ENTHD1: variants seen among roughly 807,000 people sequenced by gnomAD.
The protein encoded by ENTHD1 is ENTH domain-containing protein 1.
ENTHD1 carries 23 observed loss-of-function variants against 39.1 expected under a neutral mutation model. The observed-to-expected ratio is 0.59, with a 90% CI of 0.42 to 0.83. The LOEUF is 0.83. Ranked by LOEUF, ENTHD1 falls within the 40% of genes least tolerant of loss-of-function variation. The probability of loss-of-function intolerance (pLI) is 0.00; values close to 1 mark genes in which losing one functional copy is unlikely to be tolerated. For missense variants in ENTHD1, 624 were observed against 705.4 expected, an observed-to-expected ratio of 0.88 and a Z score of 1.31; for synonymous variants, 230 against 258.2, an observed-to-expected ratio of 0.89 and a Z score of 1.05.
chr22:39,829,301 G>A (rs1330937592), intron 4 of ENTHD1, among the ~76,000 whole-genome samples: 3 of 149,602 alleles, frequency 2.0e-5, no homozygotes, highest in Non-Finnish European at 3.0e-5. Context: ...ACTGAAATAA[G>A]ATGTAATGTA....
At chr22:39,829,971 C>G (rs773276240) in intron 4 of ENTHD1, among the ~76,000 whole-genome samples, 2 of 152,084 alleles carry the variant, frequency 1.3e-5, no homozygotes, top group Non-Finnish European at 2.9e-5. Context: ...TTACAAACTC[C>G]TTGGGCTCAA....
chr22:39,783,949 AAAGTG>A (rs1466676797), intron 5 of ENTHD1, among the ~76,000 whole-genome samples: 1 of 152,212 alleles, frequency 6.6e-6, no homozygotes, highest in African/African-American at 2.4e-5. Flanking sequence ...AACAGTAAAC[AAAGTG>A]AAGAGGCAAC....
intron 4 of ENTHD1, among the ~76,000 whole-genome samples, chr22:39,825,541 T>C (rs2146657455): frequency 6.6e-6 from 1 of 152,268 alleles, no homozygotes; most frequent in African/African-American, 2.4e-5. Context: ...TTTATTTTTT[T>C]ATTTTTTGAG....
At chr22:39,766,695 T>A (rs1384627677) in intron 5 of ENTHD1, among the ~76,000 whole-genome samples, 1 of 152,232 alleles carries the variant, frequency 6.6e-6, no homozygotes, top group Non-Finnish European at 1.5e-5. Context: ...ATTTACATGC[T>A]ATCCTCATCA....
At chr22:39,749,427 T>C (rs2065131541) in intron 6 of ENTHD1, among the ~76,000 whole-genome samples, 1 of 152,242 alleles carries the variant, frequency 6.6e-6, no homozygotes, top group Non-Finnish European at 1.5e-5. Flanking sequence ...CTTATTATAC[T>C]CATAAATAAT....
At chr22:39,807,888 C>CAT (rs2065656277) in intron 5 of ENTHD1, among the ~76,000 whole-genome samples, 3 of 145,918 alleles carry the variant, frequency 2.1e-5, no homozygotes, top group Admixed American at 6.9e-5. Context: ...TATATACGTA[C>CAT]GTGTGTGTGT....
chr22:39,851,754 GA>G (rs1043537272), intron 3 of ENTHD1, among the ~76,000 whole-genome samples: 1 of 152,204 alleles, frequency 6.6e-6, no homozygotes, highest in Non-Finnish European at 1.5e-5. Flanking sequence ...CCCACAGGCA[GA>G]ATGCCAAGTC....
chr22:39,834,241 A>C (rs2065892201), intron 4 of ENTHD1, among the ~76,000 whole-genome samples: 1 of 152,222 alleles, frequency 6.6e-6, no homozygotes, highest in East Asian at 1.9e-4. Flanking sequence ...ATATCTGACA[A>C]AGAACTTATA....
At chr22:39,796,174 T>C (rs1202155557) in intron 5 of ENTHD1, among the ~76,000 whole-genome samples, 1 of 152,120 alleles carries the variant, frequency 6.6e-6, no homozygotes, top group Non-Finnish European at 1.5e-5. Flanking sequence ...TTTTACTTTA[T>C]TGATATAGGT....
intron 5 of ENTHD1, among the ~76,000 whole-genome samples, chr22:39,783,243 G>C (rs1041435017): frequency 6.6e-6 from 1 of 151,886 alleles, no homozygotes; most frequent in Non-Finnish European, 1.5e-5. Flanking sequence ...ATTTATACAA[G>C]AAAAACCACA....
In ENTHD1 at chr22:39,803,780, T is replaced by C. The variant is rs184677322; in HGVS notation, c.832+17213A>G. Reference sequence around the variant, plus strand: ...CTATATTGCCAATCAATAAATATAATAGCAATACTTCTCATCAGTATCAAA... The same window carrying C: ...CTATATTGCCAATCAATAAATATAACAGCAATACTTCTCATCAGTATCAAA... On this transcript the variant is annotated intron_variant, in intron 5 of 6. Transcript: ENST00000325157. Among the ~76,000 whole-genome samples the C allele has an allele frequency of 3.6e-3, 547 of 152,318 alleles. 5 individuals are homozygous for C. Among genetic ancestry groups the C allele is most frequent in the African/African-American group, 0.012 (481 of 41,566 alleles).
chr22:39,857,845 C>T (rs2066107302), intron 3 of ENTHD1, among the ~76,000 whole-genome samples: 1 of 152,134 alleles, frequency 6.6e-6, no homozygotes, highest in Non-Finnish European at 1.5e-5. Context: ...TTAAATAATA[C>T]TTTATTGCTA....
intron 5 of ENTHD1, among the ~76,000 whole-genome samples, chr22:39,819,393 AGAAAC>A (rs1380778467): frequency 2.0e-5 from 3 of 151,678 alleles, no homozygotes; most frequent in African/African-American, 7.3e-5. Flanking sequence ...AAAAAAGAAA[AGAAAC>A]AAAGAAAAAA....
At chr22:39,869,099 C>T (rs553764384) in intron 2 of ENTHD1, among the ~76,000 whole-genome samples, 1 of 152,314 alleles carries the variant, frequency 6.6e-6, no homozygotes, top group East Asian at 1.9e-4. Context: ...TTCAACCCAG[C>T]AATCCCATTA....
At chr22:39,781,176 A>G (rs1367027298) in intron 5 of ENTHD1, among the ~76,000 whole-genome samples, 4 of 152,208 alleles carry the variant, frequency 2.6e-5, no homozygotes, top group Admixed American at 2.6e-4. Flanking sequence ...GACATTTATG[A>G]AACATTTTAC....
intron 6 of ENTHD1, among the ~76,000 whole-genome samples, chr22:39,747,713 AC>A (rs2065116399): frequency 6.6e-6 from 1 of 152,108 alleles, no homozygotes; most frequent in African/African-American, 2.4e-5. Context: ...TAATAATAAT[AC>A]CTTCCATTAC....
chr22:39,856,274 C>CAAAA (rs34598525), intron 3 of ENTHD1, among the ~76,000 whole-genome samples: 17 of 50,538 alleles, frequency 3.4e-4, no homozygotes, highest in Non-Finnish European at 3.7e-4. Flanking sequence ...AACTTCATCT[C>CAAAA]AAAAAAAAAA....
intron 3 of ENTHD1, among the ~76,000 whole-genome samples, chr22:39,847,827 T>C (rs2066002623): frequency 6.6e-6 from 1 of 152,248 alleles, no homozygotes; most frequent in Non-Finnish European, 1.5e-5. Flanking sequence ...TCATTTGTTC[T>C]AATGATGCTA....
At chr22:39,750,872 AT>A in intron 6 of ENTHD1, 1 of 161,300 alleles carries the variant, frequency 6.2e-6, no homozygotes, top group Non-Finnish European at 1.4e-5. Context: ...ATCTAATAAT[AT>A]TTGTGACTCA....
Sources: allele counts gnomAD v4.1 joint callset (sites outside exome capture counted in the v4.1 genomes callset), GRCh38; gene constraint gnomAD v4.1.1; transcripts MANE v1.5; gene names NCBI Gene and HGNC (gene_info 2026-07-23, HGNC 2026-07-21).